The following TLCD1 variants were observed in gnomAD, a reference collection of about 807,000 sequenced individuals.
The protein encoded by TLCD1 is TLC domain-containing protein 1.
TLCD1 carries 21 observed loss-of-function variants against 21.2 expected under a neutral mutation model. That is an observed-to-expected ratio of 0.99 (90% CI 0.70 to 1.42). TLCD1 has a LOEUF of 1.42. TLCD1 is among the 40% of genes most tolerant of loss of function. The pLI is 0.00. For synonymous variants in TLCD1, 168 were observed against 134.8 expected, an observed-to-expected ratio of 1.25 and a Z score of -1.71; for missense variants, 344 against 330.3, an observed-to-expected ratio of 1.04 and a Z score of -0.32.
chr17:28,725,201 G>A (rs941801018), intron 3 of TLCD1, 103 bp downstream of exon 3: 1 of 1,330,846 alleles, frequency 7.5e-7, no homozygotes, highest in Non-Finnish European at 1.1e-6. Flanking sequence ...CAGGTCGGGG[G>A]TGGGTGGTAA....
rs909762536 is a variant in TLCD1 at position 28,724,398 on chromosome 17, G to C, written c.*112C>G. 6 of 1,338,374 alleles carry C rather than the reference G, an allele frequency of 4.5e-6. No homozygotes were observed. The highest frequency in any genetic ancestry group is 6.2e-6 in the Non-Finnish European group (6 of 975,298). The allele number at this position is 1,338,374 out of a possible 1,614,324, so 82.9% of individuals were successfully genotyped here. A position where few individuals can be genotyped will look rare whatever the true frequency, so the allele number is the denominator to read the frequency against. ...TTTCAATAGTGTGGGCGCAGGCTCA[G>C]AAGGTGGAGAGGCTGGCCTCAGAGG... On this transcript the variant is annotated 3_prime_UTR_variant, in exon 4 of 4. Coordinates refer to ENST00000292090, the MANE Select transcript of TLCD1 (RefSeq NM_138463.4).
chr17:28,724,926 C>T, intron 3 of TLCD1, 33 bp from the exon 4 acceptor site: 1 of 1,585,306 alleles, frequency 6.3e-7, no homozygotes, highest in South Asian at 1.1e-5. Flanking sequence ...GTTAGGGAAC[C>T]CAGATGCAGA....
chr17:28,726,018 CAG>C lies in TLCD1; in HGVS notation c.78_79del (p.Cys27SerfsTer44), dbSNP rs758380261. ...CACGTGCACGGGTAGGGGCAGGCGA[CAG>C]AGCGCGCGCCGGAGCGCCCGGAAGG... On this transcript the variant is annotated frameshift_variant, in exon 1 of 4. Transcript: ENST00000292090. LOFTEE classifies it high-confidence loss of function. 5 of 1,598,770 alleles carry C rather than the reference CAG, an allele frequency of 3.1e-6. No homozygotes were observed. Among genetic ancestry groups the C allele is most frequent in the Admixed American group, 1.7e-5 (1 of 57,898 alleles).
chr17:28,727,867 G>C (rs1358413687), upstream of TLCD1: 1 of 152,092 alleles, frequency 6.6e-6, no homozygotes, highest in African/African-American at 2.4e-5. Flanking sequence ...TGATCCGCCC[G>C]CCTCGGCCTC....
upstream of TLCD1, chr17:28,727,193 G>C (rs1322939024): frequency 4.0e-6 from 1 of 247,330 alleles, no homozygotes; most frequent in Non-Finnish European, 8.1e-6. Flanking sequence ...GAAGAAGCGG[G>C]GGAGGGGAAA....
chr17:28,726,392 C>A (rs1186688227), upstream of TLCD1, among the ~76,000 whole-genome samples: 1 of 151,038 alleles, frequency 6.6e-6, no homozygotes, highest in Non-Finnish European at 1.5e-5. Flanking sequence ...CTCTCGGCCA[C>A]CGGCCGGCTC....
intron 3 of TLCD1, among the ~76,000 whole-genome samples, 187 bp from the exon 4 acceptor site, chr17:28,725,080 C>T (rs2034194953): frequency 6.6e-6 from 1 of 152,180 alleles, no homozygotes; most frequent in Admixed American, 6.5e-5. Context: ...CTGCTCACAG[C>T]TGGCTGTGGG....
chr17:28,725,976 C>T lies in TLCD1; in HGVS notation c.122G>A (p.Arg41His), dbSNP rs1358371484. The T allele has an allele frequency of 3.7e-6, 6 of 1,611,930 alleles. No individual in the cohort carries two copies. The highest frequency in any genetic ancestry group is 5.1e-6 in the Non-Finnish European group (6 of 1,179,588). ...LPVHVRADPL[R>H]TWRWHNLLVS... is the part of the protein sequence containing the mutation. Reference sequence around the variant, plus strand: ...GAGCAGGTTGTGCCAGCGCCAGGTGCGCAGGGGGTCGGCGCGCACGTGCAC... The same window carrying T: ...GAGCAGGTTGTGCCAGCGCCAGGTGTGCAGGGGGTCGGCGCGCACGTGCAC... The change falls in exon 1 of 4, where the codon CGC becomes CAC. Residue 41 changes from arginine (R) to histidine (H), a missense_variant. Physicochemically the swap from Arg to His is conservative, Grantham distance 29. Transcript: ENST00000292090.
chr17:28,727,917 G>C (rs1310344526), upstream of TLCD1: 1 of 152,214 alleles, frequency 6.6e-6, no homozygotes, highest in Non-Finnish European at 1.5e-5. Context: ...CACCGCGCCT[G>C]GCCGAATACT....
Position 28,724,530 on chromosome 17 carries a change from CTT to C in TLCD1, c.722_723del (p.Lys241ArgfsTer6), listed in dbSNP as rs757276578. The C allele has an allele frequency of 4.0e-4, 647 of 1,614,018 alleles. No homozygotes were observed. Among genetic ancestry groups the C allele is most frequent in the Middle Eastern group, 1.6e-3 (10 of 6,062 alleles). ...CPEHVPKKQH[K>X]DKFLTE ...GCCCCTCACTCAGTCAAGAACTTGT[CTT>C]TGTGTTGCTTCTTGGGGACATGCTC... is the stretch of plus-strand genomic sequence containing the variant. On this transcript the variant is annotated frameshift_variant, in exon 4 of 4. Coordinates refer to ENST00000292090, the MANE Select transcript of TLCD1 (RefSeq NM_138463.4). LOFTEE classifies it high-confidence loss of function.
rs2034211071 is a variant in TLCD1 at position 28,725,578 on chromosome 17, A to G, written c.195-15T>C. 1 of 1,613,596 alleles carries G rather than the reference A, an allele frequency of 6.2e-7. No individual in the cohort carries two copies. The highest frequency in any genetic ancestry group is 1.1e-5 in the South Asian group (1 of 91,050). ...TCTGCCATACACTGGAAAGGAGGGA[A>G]GAGGAGGCTCTGCATTTCGGCACCC... On this transcript the variant is annotated splice_polypyrimidine_tract_variant and intron_variant, in intron 1 of 3. Coordinates refer to ENST00000292090, the MANE Select transcript of TLCD1 (RefSeq NM_138463.4).
upstream of TLCD1, chr17:28,727,195 G>A (rs2034246119): frequency 1.3e-5 from 3 of 238,938 alleles, no homozygotes; most frequent in Non-Finnish European, 2.5e-5. Context: ...AGAAGCGGGG[G>A]AGGGGAAAGG....
chr17:28,726,485 G>GTT (rs2034233862), upstream of TLCD1, among the ~76,000 whole-genome samples: 1 of 151,992 alleles, frequency 6.6e-6, no homozygotes, highest in Non-Finnish European at 1.5e-5. Flanking sequence ...ACTGCCGACG[G>GTT]AGTCCCCGCT....
Position 28,724,426 on chromosome 17 carries a change from A to G in TLCD1, c.*84T>C, listed in dbSNP as rs1456655038. 37 of 1,529,304 alleles carry G rather than the reference A, an allele frequency of 2.4e-5. No homozygotes were observed. The highest frequency in any genetic ancestry group is 3.5e-6 in the Non-Finnish European group (4 of 1,133,956). 94.7% of individuals were successfully genotyped at this position (1,529,304 alleles called of 1,614,324 possible). On this transcript the variant is annotated 3_prime_UTR_variant, in exon 4 of 4. Coordinates refer to ENST00000292090, the MANE Select transcript of TLCD1 (RefSeq NM_138463.4). ...GGTGGAGAGGCTGGCCTCAGAGGACACCCAGGCTTGGGGCTAAGTCCCAGT... is the reference window on the plus strand; with the variant it reads ...GGTGGAGAGGCTGGCCTCAGAGGACGCCCAGGCTTGGGGCTAAGTCCCAGT...
chr17:28,725,415 G>A (rs778399740), intron 2 of TLCD1, 29 bp from the exon 3 acceptor site: 2 of 1,614,062 alleles, frequency 1.2e-6, no homozygotes, highest in Non-Finnish European at 8.5e-7. Context: ...AAGAGATCAT[G>A]AACTGAACAA....
chr17:28,724,558 A>C lies in TLCD1; in HGVS notation c.696T>G (p.Pro232=). ...FSRLLRSDFC[P]EHVPKKQHKD... Reference sequence around the variant, plus strand: ...TGTGTTGCTTCTTGGGGACATGCTCAGGGCAGAAGTCAGAGCGGAGGAGGC... The same window carrying C: ...TGTGTTGCTTCTTGGGGACATGCTCCGGGCAGAAGTCAGAGCGGAGGAGGC... The change falls in exon 4 of 4, where the codon CCT becomes CCG. Residue 232 remains proline (P), a synonymous_variant. Transcript: ENST00000292090. The C allele has an allele frequency of 6.2e-7, 1 of 1,614,162 alleles. No individual in the cohort carries two copies. Among genetic ancestry groups the C allele is most frequent in the South Asian group, 1.1e-5 (1 of 91,080 alleles).
Position 28,726,011 on chromosome 17 carries a change from C to T in TLCD1, c.87G>A (p.Leu29=). 2 of 1,602,520 alleles carry T rather than the reference C, an allele frequency of 1.2e-6. No homozygotes were observed. Among genetic ancestry groups the T allele is most frequent in the South Asian group, 1.1e-5 (1 of 90,532 alleles). Residue 29 remains leucine, a synonymous_variant, in exon 1 of 4, where the codon CTG becomes CTA. Coordinates refer to ENST00000292090, the MANE Select transcript of TLCD1 (RefSeq NM_138463.4). ...CGGCGCGCACGTGCACGGGTAGGGG[C>T]AGGCGACAGAGCGCGCGCCGGAGCG... ...FRALRRALCR[L]PLPVHVRADP... is the part of the protein sequence containing the mutation.
At chr17:28,726,855 G>A (rs916000572), upstream of TLCD1, 1 of 1,529,792 alleles carries the variant, frequency 6.5e-7, no homozygotes, top group Non-Finnish European at 8.8e-7. Context: ...CCGGGCGGCT[G>A]TCACAGTCCT....
chr17:28,726,806 C>T, upstream of TLCD1: 1 of 1,548,576 alleles, frequency 6.5e-7, no homozygotes, highest in Non-Finnish European at 8.7e-7. Context: ...CTGAGTAACC[C>T]ATCGCCACCT....
Sources: allele counts gnomAD v4.1 joint callset (sites outside exome capture counted in the v4.1 genomes callset), GRCh38; gene constraint gnomAD v4.1.1; transcripts MANE v1.5; gene names NCBI Gene and HGNC (gene_info 2026-07-23, HGNC 2026-07-21).